The following UQCRB variants were observed in gnomAD, a reference collection of about 807,000 sequenced individuals.
The protein encoded by UQCRB is ubiquinol-cytochrome c reductase binding protein, also known as cytochrome b-c1 complex subunit 7.
A neutral mutation model predicts 19.8 loss-of-function variants in UQCRB; 12 were observed. The ratio of observed to expected loss-of-function variants is 0.61; its 90% CI spans 0.39 to 0.98. UQCRB has a LOEUF of 0.98. Among genes scored for constraint, UQCRB ranks in the 50% least tolerant of loss-of-function variants. UQCRB has a pLI of 0.00. For synonymous variants in UQCRB, 39 were observed against 42.9 expected (o/e 0.91, Z 0.35); for missense variants, 142 against 131.8 (o/e 1.08, Z -0.38).
chr8:96,226,558 C>T lies in UQCRB; in HGVS notation c.*4497G>A, dbSNP rs1484374844. Reference sequence around the variant, plus strand: ...ATAAGAGAAAAATTGTAAGCTGACTCCTTTGTAAAACAAATAATTATCTTT... The same window carrying T: ...ATAAGAGAAAAATTGTAAGCTGACTTCTTTGTAAAACAAATAATTATCTTT... On this transcript the variant is annotated 3_prime_UTR_variant, in exon 4 of 4. Coordinates refer to ENST00000287022, the MANE Select transcript of UQCRB (RefSeq NM_006294.5). 4.3e-6 allele frequency: 1 copy of T among 234,386 alleles called. No individual in the cohort carries two copies. The allele number at this position is 234,386 out of a possible 1,614,324, so 14.5% of individuals were successfully genotyped here.
chr8:96,225,096 A>C lies in UQCRB; in HGVS notation c.*5959T>G, dbSNP rs1454320317. ...AACTGACCCAGGTTTGGGAAGGGGG[A>C]AGAGGGAGCTAAGAGGAAAACTAAA... On this transcript the variant is annotated 3_prime_UTR_variant, in exon 4 of 4. Transcript: ENST00000287022. Among the ~76,000 whole-genome samples the C allele has an allele frequency of 6.6e-6, 1 of 152,202 alleles. No individual in the cohort carries two copies. The highest frequency in any genetic ancestry group is 1.9e-4 in the East Asian group (1 of 5,202).
rs2129769476 is a variant in UQCRB, at chr8:96,225,282, A to G, written c.*5773T>C. On this transcript the variant is annotated 3_prime_UTR_variant, in exon 4 of 4. Transcript: ENST00000287022. ...TTTAAACAAGAAACTCTCCAACCAA[A>G]TTCACAAAGATTGCTTTTAATGAGA... Among the ~76,000 whole-genome samples, 1 of 152,362 alleles carries G rather than the reference A, an allele frequency of 6.6e-6. No individual in the cohort carries two copies. Among genetic ancestry groups the G allele is most frequent in the South Asian group, 2.1e-4 (1 of 4,828 alleles).
rs1400368870 is a variant in UQCRB at position 96,223,713 on chromosome 8, A to T, written c.*7342T>A. ...TGAGAATAGAAGGAAAAAAGGTTAG[A>T]GGTAGAATTTTGCAGAATGTGTTTG... is the stretch of plus-strand genomic sequence containing the variant. On this transcript the variant is annotated 3_prime_UTR_variant, in exon 4 of 4. Transcript: ENST00000287022. 6.6e-6 allele frequency among the ~76,000 whole-genome samples: 1 copy of T among 152,184 alleles called. No individual in the cohort carries two copies. Among genetic ancestry groups the T allele is most frequent in the Non-Finnish European group, 1.5e-5 (1 of 68,038 alleles).
At chr8:96,235,338 C>G (rs1364592503) in intron 1 of UQCRB, 174 bp downstream of exon 1, 1 of 983,482 alleles carries the variant, frequency 1.0e-6, no homozygotes. Flanking sequence ...CAAGCCCGCC[C>G]TGGGGACAGC....
Position 96,223,821 on chromosome 8 carries a change from C to A in UQCRB, c.*7234G>T, listed in dbSNP as rs964958357. On this transcript the variant is annotated 3_prime_UTR_variant, in exon 4 of 4. Coordinates refer to ENST00000287022, the MANE Select transcript of UQCRB (RefSeq NM_006294.5). ...CCTTCTGTTTTCTATCATATGGCATCTTTTTAGCACTGGCATTTACCTGCA... is the reference window on the plus strand; with the variant it reads ...CCTTCTGTTTTCTATCATATGGCATATTTTTAGCACTGGCATTTACCTGCA... Among the ~76,000 whole-genome samples the A allele has an allele frequency of 3.3e-5, 5 of 152,156 alleles. No individual in the cohort carries two copies. Among genetic ancestry groups the A allele is most frequent in the Non-Finnish European group, 7.3e-5 (5 of 68,030 alleles).
chr8:96,234,781 A>G (rs1809763277), intron 1 of UQCRB: 1 of 235,750 alleles, frequency 4.2e-6, no homozygotes, highest in Admixed American at 5.2e-5. Flanking sequence ...CAAAGACAAA[A>G]CAAACAAACA....
At chr8:96,235,326 G>T in intron 1 of UQCRB, 186 bp downstream of exon 1, 1 of 882,236 alleles carries the variant, frequency 1.1e-6, no homozygotes, top group Non-Finnish European at 1.8e-6. Flanking sequence ...ACCCTATACA[G>T]GCAAGCCCGC....
chr8:96,228,737 T>C lies in UQCRB; in HGVS notation c.*2318A>G, dbSNP rs1300774528. On this transcript the variant is annotated 3_prime_UTR_variant, in exon 4 of 4. Transcript: ENST00000287022. ...CAAACTGAAGCACGGAGAGGTTAAA[T>C]TGTATTCCTAAAGCACTACACAGTG... The C allele has an allele frequency of 6.6e-6, 3 of 454,024 alleles. No individual in the cohort carries two copies. Among genetic ancestry groups the C allele is most frequent in the African/African-American group, 4.0e-5 (2 of 50,024 alleles). 28.1% of individuals were successfully genotyped at this position (454,024 alleles called of 1,614,324 possible).
rs549868640 is a variant in UQCRB, at chr8:96,223,289, C to G, written c.*7766G>C. ...TGTATCAAAACATCATGCTGTACAC[C>G]TTAAATAAAAAAGAAAAGACAACAT... On this transcript the variant is annotated 3_prime_UTR_variant, in exon 4 of 4. Transcript: ENST00000287022. Among the ~76,000 whole-genome samples the G allele has an allele frequency of 2.4e-4, 36 of 152,178 alleles. No homozygotes were observed. The highest frequency in any genetic ancestry group is 4.1e-4 in the Non-Finnish European group (28 of 68,002).
At chr8:96,232,078 T>G in intron 2 of UQCRB, 138 bp from the exon 3 acceptor site, 1 of 791,380 alleles carries the variant, frequency 1.3e-6, no homozygotes, top group Non-Finnish European at 2.1e-6. Flanking sequence ...TCAATGGAAA[T>G]TCAATGCATT....
At position 96,231,931 on chromosome 8, in the gene UQCRB, C is replaced by G; in HGVS notation, c.101G>C (p.Arg34Pro). 6.2e-7 allele frequency: 1 copy of G among 1,613,178 alleles called. No homozygotes were observed. Among genetic ancestry groups the G allele is most frequent in the East Asian group, 2.2e-5 (1 of 44,862 alleles). The change falls in exon 3 of 4, where the codon CGA becomes CCA. Residue 34 changes from arginine to proline, a missense_variant. By Grantham distance (103) the Arg-to-Pro change is moderately radical. This residue lies in a region of UQCRB where 132 missense variants were observed against 107.5 expected (regional missense o/e 1.23). Transcript: ENST00000287022. The stretch of plus-strand genomic sequence containing the variant: ...TTCATCCTCGTATATTGTATCATCT[C>G]GCATTAACCCTATGATAGATGACAA... ...AAGFNKLGLM[R>P]DDTIYEDEDV...
At chr8:96,233,372 C>T in intron 1 of UQCRB, 145 bp from the exon 2 acceptor site, 1 of 640,296 alleles carries the variant, frequency 1.6e-6, no homozygotes, top group Non-Finnish European at 2.7e-6. Flanking sequence ...GTATATACAG[C>T]AAGAATTTAA....
In UQCRB at chr8:96,228,605, A is replaced by G; in HGVS notation, c.*2450T>C. On this transcript the variant is annotated 3_prime_UTR_variant, in exon 4 of 4. Coordinates refer to ENST00000287022, the MANE Select transcript of UQCRB (RefSeq NM_006294.5). Reference sequence around the variant, plus strand: ...TCTCGCTTCTCAGCACATAATTTACATTATGCATACTATATGCCAGAAACT... The same window carrying G: ...TCTCGCTTCTCAGCACATAATTTACGTTATGCATACTATATGCCAGAAACT... 1 of 454,146 alleles carries G rather than the reference A, an allele frequency of 2.2e-6. No individual in the cohort carries two copies. The allele number at this position is 454,146 out of a possible 1,614,324, so 28.1% of individuals were successfully genotyped here.
At position 96,226,778 on chromosome 8, in the gene UQCRB, A is replaced by G. The variant is rs1324371755; in HGVS notation, c.*4277T>C. 2.4e-6 allele frequency: 1 copy of G among 423,436 alleles called. No homozygotes were observed. The highest frequency in any genetic ancestry group is 2.1e-5 in the African/African-American group (1 of 48,178). The allele number at this position is 423,436 out of a possible 1,614,324, so 26.2% of individuals were successfully genotyped here. On this transcript the variant is annotated 3_prime_UTR_variant, in exon 4 of 4. Coordinates refer to ENST00000287022, the MANE Select transcript of UQCRB (RefSeq NM_006294.5). ...AAACAAAAAGTTCAATAAATAATAC[A>G]CTCTTTCTTTGTAGGAGATATAATC...
In UQCRB at chr8:96,225,791, T is replaced by A. The variant is rs1023910217; in HGVS notation, c.*5264A>T. ...CCATGTTTCCATAGTACCCAGTACA[T>A]ATTTTTTGTGGACAATTCACACAGT... On this transcript the variant is annotated 3_prime_UTR_variant, in exon 4 of 4. Transcript: ENST00000287022. 6.6e-6 allele frequency: 1 copy of A among 152,120 alleles called. No individual in the cohort carries two copies. The highest frequency in any genetic ancestry group is 6.6e-5 in the Admixed American group (1 of 15,266). 9.4% of individuals were successfully genotyped at this position (152,120 alleles called of 1,614,324 possible). A position where few individuals can be genotyped will look rare whatever the true frequency, so the allele number is the denominator to read the frequency against.
rs1301375565 is a variant in UQCRB at position 96,228,086 on chromosome 8, C to G, written c.*2969G>C. On this transcript the variant is annotated 3_prime_UTR_variant, in exon 4 of 4. Coordinates refer to ENST00000287022, the MANE Select transcript of UQCRB (RefSeq NM_006294.5). ...TCCTACATCTTGACAACAGGAAGGCCAAGTGATACTAGGTAGTGCACTACA... is the reference window on the plus strand; with the variant it reads ...TCCTACATCTTGACAACAGGAAGGCGAAGTGATACTAGGTAGTGCACTACA... 2.2e-6 allele frequency: 1 copy of G among 453,944 alleles called. No individual in the cohort carries two copies. The highest frequency in any genetic ancestry group is 4.4e-6 in the Non-Finnish European group (1 of 226,794). The allele number at this position is 453,944 out of a possible 1,614,324, so 28.1% of individuals were successfully genotyped here.
At position 96,229,351 on chromosome 8, in the gene UQCRB, G is replaced by C. The variant is rs1428205758; in HGVS notation, c.*1704C>G. The C allele has an allele frequency of 2.2e-6, 1 of 454,084 alleles. No individual in the cohort carries two copies. The highest frequency in any genetic ancestry group is 4.4e-6 in the Non-Finnish European group (1 of 226,798). The allele number at this position is 454,084 out of a possible 1,614,324, so 28.1% of individuals were successfully genotyped here. A position where few individuals can be genotyped will look rare whatever the true frequency, so the allele number is the denominator to read the frequency against. On this transcript the variant is annotated 3_prime_UTR_variant, in exon 4 of 4. Transcript: ENST00000287022. Reference sequence around the variant, plus strand: ...CTTAGGCTTGCTTTAAACATTAACAGCATTCATAAGCATGGTTTCTAGGGT... The same window carrying C: ...CTTAGGCTTGCTTTAAACATTAACACCATTCATAAGCATGGTTTCTAGGGT...
In UQCRB at chr8:96,228,283, C is replaced by G. The variant is rs1381801013; in HGVS notation, c.*2772G>C. The G allele has an allele frequency of 2.2e-6, 1 of 453,974 alleles. No homozygotes were observed. The highest frequency in any genetic ancestry group is 2.0e-5 in the African/African-American group (1 of 49,996). The allele number at this position is 453,974 out of a possible 1,614,324, so 28.1% of individuals were successfully genotyped here. ...AACAAAAGATATCAAACATTTTAAA[C>G]TGTACAAAGCAAATTAGCAGGATTT... On this transcript the variant is annotated 3_prime_UTR_variant, in exon 4 of 4. Coordinates refer to ENST00000287022, the MANE Select transcript of UQCRB (RefSeq NM_006294.5).
At position 96,227,821 on chromosome 8, in the gene UQCRB, G is replaced by A; in HGVS notation, c.*3234C>T. The A allele has an allele frequency of 2.2e-6, 1 of 453,546 alleles. No homozygotes were observed. 28.1% of individuals were successfully genotyped at this position (453,546 alleles called of 1,614,324 possible). On this transcript the variant is annotated 3_prime_UTR_variant, in exon 4 of 4. Transcript: ENST00000287022. ...GAGTCCTTAAAGTAAATAACTAAAT[G>A]AAATCACTACCAAAATGTACACTTT... is the stretch of plus-strand genomic sequence containing the variant.
Sources: gnomAD v4.1 joint callset for allele counts (sites outside exome capture counted in the v4.1 genomes callset) on GRCh38, gnomAD v4.1.1 for gene constraint, gnomAD v4.1.1 regional missense constraint, MANE v1.5 for transcripts, NCBI Gene and HGNC (gene_info 2026-07-23, HGNC 2026-07-21) for gene names.